WASHC4: variants seen among roughly 807,000 people sequenced by gnomAD.
WASHC4 encodes WASH complex subunit 7.
Under a neutral mutation model 166.6 loss-of-function variants are expected in WASHC4, and 86 were observed. The observed-to-expected ratio is 0.52, with a 90% CI of 0.43 to 0.62. WASHC4 has a LOEUF of 0.62. Among genes scored for constraint, WASHC4 ranks in the 20% least tolerant of loss-of-function variants. The pLI is 0.00. For missense variants in WASHC4, 1,262 were observed against 1,382.4 expected (o/e 0.91, Z 1.38); for synonymous variants, 446 against 451.6 (o/e 0.99, Z 0.16).
Position 105,159,996 on chromosome 12 carries a change from T to A in WASHC4, c.2913-5T>A. 1 of 1,613,908 alleles carries A rather than the reference T, an allele frequency of 6.2e-7. No homozygotes were observed. The highest frequency in any genetic ancestry group is 8.5e-7 in the Non-Finnish European group (1 of 1,179,856). On this transcript the variant is annotated splice_region_variant and splice_polypyrimidine_tract_variant and intron_variant, in intron 28 of 32. Transcript: ENST00000332180. ...AAAGGAACCAAATAATTTTTTGCTT[T>A]TTAGGCATTTGGATTCAGTCCTCAG...
At chr12:105,165,954 A>G (rs1394031062) in intron 32 of WASHC4, among the ~76,000 whole-genome samples, 1 of 152,254 alleles carries the variant, frequency 6.6e-6, no homozygotes, top group African/African-American at 2.4e-5. Flanking sequence ...AATCTAAATT[A>G]TGAAGAAACT....
chr12:105,162,638 T>C, intron 29 of WASHC4, 111 bp from the exon 30 acceptor site: 1 of 662,746 alleles, frequency 1.5e-6, no homozygotes, highest in Admixed American at 2.0e-5. Context: ...TAGATTCTAT[T>C]CTATTCTATT....
chr12:105,142,634 A>G (rs1882964699), intron 19 of WASHC4, 76 bp downstream of exon 19: 2 of 778,862 alleles, frequency 2.6e-6, no homozygotes, highest in East Asian at 2.8e-5. Flanking sequence ...TTTAAAATAG[A>G]TCATTTGATT....
intron 7 of WASHC4, among the ~76,000 whole-genome samples, chr12:105,118,836 A>G (rs1338244256): frequency 6.6e-6 from 1 of 152,130 alleles, no homozygotes; most frequent in African/African-American, 2.4e-5. Context: ...CCTTTCCTCT[A>G]CACGAATGGT....
At chr12:105,129,371 A>C (rs1881587792) in intron 13 of WASHC4, among the ~76,000 whole-genome samples, 1 of 152,248 alleles carries the variant, frequency 6.6e-6, no homozygotes, top group Non-Finnish European at 1.5e-5. Flanking sequence ...GGCGTGAGCC[A>C]TCACACCAGG....
In WASHC4 at chr12:105,166,855, T is replaced by C; in HGVS notation, c.3455-9T>C. ...AAATATCCATTATTATTTTCACTCA[T>C]GCTTTCAGAAGAAACTAAAACAAGC... On this transcript the variant is annotated splice_polypyrimidine_tract_variant and intron_variant, in intron 32 of 32. Transcript: ENST00000332180. The C allele has an allele frequency of 1.3e-6, 2 of 1,578,852 alleles. No homozygotes were observed. Among genetic ancestry groups the C allele is most frequent in the Non-Finnish European group, 1.7e-6 (2 of 1,153,010 alleles).
rs535988624 is a variant in WASHC4 at position 105,167,944 on chromosome 12, C to A, written c.*1013C>A. On this transcript the variant is annotated 3_prime_UTR_variant, in exon 33 of 33. Transcript: ENST00000332180. ...GAAAGATTTTGAGTAAATTTTGTGC[C>A]CAGCAAGCTGTTAGTTTTATTTTTG... 6.6e-6 allele frequency: 1 copy of A among 152,324 alleles called. No individual in the cohort carries two copies. The highest frequency in any genetic ancestry group is 2.1e-4 in the South Asian group (1 of 4,800). 9.4% of individuals were successfully genotyped at this position (152,324 alleles called of 1,614,324 possible). A position where few individuals can be genotyped will look rare whatever the true frequency, so the allele number is the denominator to read the frequency against.
intron 24 of WASHC4, chr12:105,148,299 A>C (rs1883476630): frequency 2.9e-5 from 29 of 985,320 alleles, no homozygotes; most frequent in Non-Finnish European, 3.3e-5. Context: ...TTGAGGATAA[A>C]TAAAACTGAA....
chr12:105,139,598 G>T (rs528796354), intron 15 of WASHC4, among the ~76,000 whole-genome samples: 1 of 151,214 alleles, frequency 6.6e-6, no homozygotes, highest in Non-Finnish European at 1.5e-5. Flanking sequence ...TTTAACCCCT[G>T]ATTGTTAGTG....
At chr12:105,133,583 C>T (rs1281196607) in intron 13 of WASHC4, among the ~76,000 whole-genome samples, 187 bp from the exon 14 acceptor site, 1 of 151,992 alleles carries the variant, frequency 6.6e-6, no homozygotes, top group South Asian at 2.1e-4. Flanking sequence ...ATTCTCAGTA[C>T]CTGTACTGAG....
intron 25 of WASHC4, among the ~76,000 whole-genome samples, chr12:105,151,639 A>G (rs1233448105): frequency 3.3e-5 from 5 of 152,028 alleles, no homozygotes; most frequent in African/African-American, 1.2e-4. Context: ...ACACCACCAC[A>G]CCCAGCTAAT....
At position 105,138,008 on chromosome 12, in the gene WASHC4, C is replaced by T; in HGVS notation, c.1449C>T (p.Leu483=). The T allele has an allele frequency of 6.2e-7, 1 of 1,611,082 alleles. No individual in the cohort carries two copies. The highest frequency in any genetic ancestry group is 8.5e-7 in the Non-Finnish European group (1 of 1,178,550). Residue 483 remains leucine (L), a synonymous_variant, in exon 15 of 33, where the codon CTC becomes CTT. Transcript: ENST00000332180. ...CATTGTGCAGGCTTGTTGAACTTCTCAAGGTAGGTTTTAGATTATTTTACT... is the reference window on the plus strand; with the variant it reads ...CATTGTGCAGGCTTGTTGAACTTCTTAAGGTAGGTTTTAGATTATTTTACT... ...VKALCRLVEL[L]KAIEHMFYRR...
At chr12:105,160,669 T>C (rs985071250) in intron 29 of WASHC4, among the ~76,000 whole-genome samples, 16 of 152,324 alleles carry the variant, frequency 1.1e-4, no homozygotes, top group African/African-American at 3.6e-4. Flanking sequence ...GATTCTTATT[T>C]TTTTTAAATA....
At position 105,164,246 on chromosome 12, in the gene WASHC4, A is replaced by C. The variant is rs760415924; in HGVS notation, c.3293A>C (p.Gln1098Pro). 1 of 1,614,140 alleles carries C rather than the reference A, an allele frequency of 6.2e-7. No homozygotes were observed. Among genetic ancestry groups the C allele is most frequent in the Non-Finnish European group, 8.5e-7 (1 of 1,179,986 alleles). The change falls in exon 31 of 33, where the codon CAA becomes CCA. Residue 1098 changes from glutamine (Q) to proline (P), a missense_variant. Gln to Pro is a moderately conservative substitution (Grantham distance 76). Transcript: ENST00000332180. ...AKQQNVQSAS[Q>P]DEKLLQTMNL... ...CAACAGAATGTACAGTCAGCCAGTC[A>C]AGATGAAAAACTCTTACAAACCATG...
chr12:105,165,784 C>T (rs750227280), intron 32 of WASHC4, among the ~76,000 whole-genome samples: 2 of 151,952 alleles, frequency 1.3e-5, no homozygotes, highest in Non-Finnish European at 2.9e-5. Flanking sequence ...CATATCCAGG[C>T]GTTTTTTGAA....
chr12:105,120,942 T>C (rs1880678789), intron 8 of WASHC4, 159 bp from the exon 9 acceptor site: 1 of 647,116 alleles, frequency 1.5e-6, no homozygotes, highest in Non-Finnish European at 2.7e-6. Flanking sequence ...AAAAGACAAA[T>C]AGTCCTTTCT....
At chr12:105,143,619 T>A (rs568110212) in intron 20 of WASHC4, among the ~76,000 whole-genome samples, 12 of 152,130 alleles carry the variant, frequency 7.9e-5, no homozygotes, top group African/African-American at 2.6e-4. Context: ...AGAAGGAAAT[T>A]ATATATTTAA....
chr12:105,121,588 A>G (rs1880748120), intron 9 of WASHC4, among the ~76,000 whole-genome samples: 1 of 152,214 alleles, frequency 6.6e-6, no homozygotes, highest in South Asian at 2.1e-4. Flanking sequence ...GCTCACTGCA[A>G]CTTCTGCCTC....
At chr12:105,157,006 A>G (rs1362195657) in intron 27 of WASHC4, among the ~76,000 whole-genome samples, 2 of 152,214 alleles carry the variant, frequency 1.3e-5, no homozygotes, top group East Asian at 1.9e-4. Context: ...TAATTTATCA[A>G]TATGGTTTAT....
Sources: gnomAD v4.1 joint callset for allele counts (sites outside exome capture counted in the v4.1 genomes callset) on GRCh38, gnomAD v4.1.1 for gene constraint, MANE v1.5 for transcripts, NCBI Gene and HGNC (gene_info 2026-07-23, HGNC 2026-07-21) for gene names.